TSPAN18: variants seen among roughly 807,000 people sequenced by gnomAD.
The protein encoded by TSPAN18 is tetraspanin-18.
A neutral mutation model predicts 27.3 loss-of-function variants in TSPAN18; 14 were observed. The observed-to-expected ratio is 0.51, with a 90% CI of 0.34 to 0.80. The LOEUF (loss-of-function observed/expected upper bound fraction) is 0.80, where lower values mean the gene tolerates loss of function less well. Ranked by LOEUF, TSPAN18 falls within the 30% of genes least tolerant of loss-of-function variation. TSPAN18 has a pLI of 0.01. For synonymous variants in TSPAN18, 143 were observed against 136.5 expected, an observed-to-expected ratio of 1.05 and a Z score of -0.33; for missense variants, 268 against 323.9, an observed-to-expected ratio of 0.83 and a Z score of 1.32.
Position 44,852,249 on chromosome 11 carries a change from GC to G in TSPAN18, c.-152-8076del, listed in dbSNP as rs377540534. Among the ~76,000 whole-genome samples, 68 of 152,282 alleles carry G rather than the reference GC, an allele frequency of 4.5e-4. 1 individual carries two copies. Among genetic ancestry groups the G allele is most frequent in the African/African-American group, 1.6e-3 (66 of 41,554 alleles). The stretch of plus-strand genomic sequence containing the variant: ...AACATTGGCCCTTCTTTTGTGCCAG[GC>G]CCTGATTAAAGAGGCCTTGGTGAAG... On this transcript the variant is annotated intron_variant, in intron 2 of 9. Coordinates refer to ENST00000520358, the MANE Select transcript of TSPAN18 (RefSeq NM_130783.5).
chr11:44,891,445 G>A (rs965428033), intron 3 of TSPAN18, among the ~76,000 whole-genome samples: 62 of 152,300 alleles, frequency 4.1e-4, no homozygotes, highest in Non-Finnish European at 5.9e-4. Flanking sequence ...CTAGATTCTT[G>A]TAAGGACCTG....
At chr11:44,753,254 G>A (rs1460612473) in intron 1 of TSPAN18, among the ~76,000 whole-genome samples, 1 of 151,926 alleles carries the variant, frequency 6.6e-6, no homozygotes, top group African/African-American at 2.4e-5. Flanking sequence ...TCAACCTCCC[G>A]AGTAGCTGGG....
intron 5 of TSPAN18, among the ~76,000 whole-genome samples, chr11:44,917,094 A>G (rs1859939191): frequency 6.6e-6 from 1 of 152,090 alleles, no homozygotes. Flanking sequence ...CCAAGCAGGC[A>G]GCGCGCTGAG....
At chr11:44,878,868 G>A (rs1004445806) in intron 3 of TSPAN18, among the ~76,000 whole-genome samples, 4 of 150,134 alleles carry the variant, frequency 2.7e-5, no homozygotes, top group Non-Finnish European at 4.5e-5. Context: ...TTGCCTCTGC[G>A]GGAACTGAGA....
intron 2 of TSPAN18, among the ~76,000 whole-genome samples, chr11:44,799,631 C>T (rs188829490): frequency 6.6e-6 from 1 of 152,220 alleles, no homozygotes; most frequent in Admixed American, 6.5e-5. Context: ...TATGTGTCAG[C>T]GATGATTTCT....
At chr11:44,759,547 G>A (rs1013431148) in intron 1 of TSPAN18, among the ~76,000 whole-genome samples, 3 of 152,094 alleles carry the variant, frequency 2.0e-5, no homozygotes, top group Non-Finnish European at 2.9e-5. Context: ...TTGTTTTATA[G>A]ATCCACTTGT....
chr11:44,912,888 G>A (rs891791398), intron 5 of TSPAN18, among the ~76,000 whole-genome samples: 1 of 29,818 alleles, frequency 3.4e-5, no homozygotes, highest in Non-Finnish European at 5.8e-5. Flanking sequence ...ATGTGCCTGT[G>A]TGTGCACATG....
At chr11:44,912,152 G>A (rs1308386377) in intron 5 of TSPAN18, among the ~76,000 whole-genome samples, 1 of 151,924 alleles carries the variant, frequency 6.6e-6, no homozygotes, top group Non-Finnish European at 1.5e-5. Flanking sequence ...CCCCCGAGTA[G>A]CTGGGAACAC....
chr11:44,804,914 G>C (rs985106827), intron 2 of TSPAN18, among the ~76,000 whole-genome samples: 37 of 152,230 alleles, frequency 2.4e-4, no homozygotes, highest in Non-Finnish European at 1.0e-4. Context: ...GGCTGTTTAA[G>C]TGGGACAAGC....
intron 2 of TSPAN18, among the ~76,000 whole-genome samples, chr11:44,795,353 G>A (rs1246600674): frequency 2.3e-5 from 2 of 87,830 alleles, no homozygotes; most frequent in Non-Finnish European, 6.7e-5. Context: ...CTGCCCTGGA[G>A]CTTCCCTGCC....
chr11:44,923,861 A>G (rs547646944), intron 8 of TSPAN18, among the ~76,000 whole-genome samples: 20 of 152,268 alleles, frequency 1.3e-4, no homozygotes, highest in African/African-American at 4.8e-4. Context: ...GTTCCTGGGA[A>G]GCTTCCATTG....
intron 2 of TSPAN18, among the ~76,000 whole-genome samples, chr11:44,787,088 G>C (rs956317294): frequency 6.6e-6 from 1 of 152,176 alleles, no homozygotes; most frequent in Non-Finnish European, 1.5e-5. Context: ...TTTGGACGGA[G>C]ACACAATATA....
chr11:44,868,376 G>C (rs1270174095), intron 3 of TSPAN18, among the ~76,000 whole-genome samples: 1 of 152,234 alleles, frequency 6.6e-6, no homozygotes, highest in East Asian at 1.9e-4. Context: ...GGACATGCAA[G>C]AGCTGAGTGT....
At chr11:44,800,685 G>A (rs1163391828) in intron 2 of TSPAN18, among the ~76,000 whole-genome samples, 2 of 152,208 alleles carry the variant, frequency 1.3e-5, no homozygotes, top group Non-Finnish European at 2.9e-5. Context: ...GAAGTTTCTG[G>A]TCTCCCTACC....
intron 3 of TSPAN18, among the ~76,000 whole-genome samples, chr11:44,861,676 G>A (rs920831281): frequency 1.3e-5 from 2 of 151,866 alleles, no homozygotes; most frequent in African/African-American, 4.8e-5. Context: ...GGGCGATGAA[G>A]CACCCAGGTG....
At chr11:44,789,659 A>G (rs1404021360) in intron 2 of TSPAN18, among the ~76,000 whole-genome samples, 2 of 151,944 alleles carry the variant, frequency 1.3e-5, no homozygotes, top group African/African-American at 4.8e-5. Flanking sequence ...GGAGCAAGCC[A>G]GGGGTGAATT....
In TSPAN18 at chr11:44,879,392, G is replaced by A. The variant is rs534136976; in HGVS notation, c.-11+18923G>A. Among the ~76,000 whole-genome samples the A allele has an allele frequency of 9.2e-5, 14 of 152,322 alleles. 1 individual carries two copies. Among genetic ancestry groups the A allele is most frequent in the African/African-American group, 3.4e-4 (14 of 41,580 alleles). Reference sequence around the variant, plus strand: ...AGAAGGGGAGAGAAGATGAATAACAGAAAGAAAACATTGCTGGAGATCCTG... The same window carrying A: ...AGAAGGGGAGAGAAGATGAATAACAAAAAGAAAACATTGCTGGAGATCCTG... On this transcript the variant is annotated intron_variant, in intron 3 of 9. Transcript: ENST00000520358.
At chr11:44,882,724 G>T (rs962856079) in intron 3 of TSPAN18, among the ~76,000 whole-genome samples, 1 of 152,008 alleles carries the variant, frequency 6.6e-6, no homozygotes, top group African/African-American at 2.4e-5. Flanking sequence ...AGAGACGGAG[G>T]GACAGCCTGG....
At chr11:44,926,078 C>T (rs1860341628) in intron 8 of TSPAN18, among the ~76,000 whole-genome samples, 1 of 152,190 alleles carries the variant, frequency 6.6e-6, no homozygotes, top group Non-Finnish European at 1.5e-5. Context: ...TGGGCTGGTT[C>T]AGAAAGCTGC....
Sources: allele counts gnomAD v4.1 joint callset (sites outside exome capture counted in the v4.1 genomes callset), GRCh38; gene constraint gnomAD v4.1.1; transcripts MANE v1.5; gene names NCBI Gene and HGNC (gene_info 2026-07-23, HGNC 2026-07-21).